EVC2: variants seen among roughly 807,000 people sequenced by gnomAD.
EVC2 encodes the protein limbin.
Under a neutral mutation model 149.3 loss-of-function variants are expected in EVC2, and 148 were observed. The observed-to-expected ratio is 0.99, with a 90% CI of 0.87 to 1.14. EVC2 has a LOEUF of 1.14. Ranked by LOEUF, EVC2 falls within the 50% of genes most tolerant of loss-of-function variation. The pLI is 0.00. For synonymous variants in EVC2, 776 were observed against 649.9 expected (o/e 1.19, Z -2.95); for missense variants, 1,854 against 1,627.3 (o/e 1.14, Z -2.40).
At chr4:5,687,472 G>A (rs1255338815) in intron 5 of EVC2, among the ~76,000 whole-genome samples, 1 of 152,048 alleles carries the variant, frequency 6.6e-6, no homozygotes, top group African/African-American at 2.4e-5. Flanking sequence ...TAGAGCAGAA[G>A]TCCATGAATT....
Position 5,568,589 on chromosome 4 carries a change from T to C in EVC2, c.3412A>G (p.Thr1138Ala). The C allele has an allele frequency of 6.2e-7, 1 of 1,608,740 alleles. No individual in the cohort carries two copies. ...ACCACACTCAGGAGCCGGCGAAGCG[T>C]GGCCCCGGGCACCATGGCCATCCTC... Reference protein sequence around the residue: ...LARMAMVPGATLRRLLSVVLP... With the variant: ...LARMAMVPGAALRRLLSVVLP... Residue 1138 changes from threonine to alanine, a missense_variant, in exon 20 of 22, where the codon ACG becomes GCG. Physicochemically the swap from Thr to Ala is moderately conservative, Grantham distance 58. Coordinates refer to ENST00000344408, the MANE Select transcript of EVC2 (RefSeq NM_147127.5).
At chr4:5,662,441 A>C (rs1044310331) in intron 9 of EVC2, among the ~76,000 whole-genome samples, 3 of 147,246 alleles carry the variant, frequency 2.0e-5, no homozygotes, top group Admixed American at 6.9e-5. Context: ...AGTTTATTGA[A>C]TAAACTAATT....
chr4:5,636,066 G>T lies in EVC2; in HGVS notation c.1471-4034C>A, dbSNP rs932572823. Among the ~76,000 whole-genome samples the T allele has an allele frequency of 1.8e-4, 27 of 152,146 alleles. No homozygotes were observed. The highest frequency in any genetic ancestry group is 5.3e-4 in the African/African-American group (22 of 41,438). On this transcript the variant is annotated intron_variant, in intron 10 of 21. Transcript: ENST00000344408. This position sits in a 1 kb window ranked among gnomAD's most constrained non-coding sequence, Gnocchi z 4.6. ...GAGCAATGGCTGAAGTACTATACGA[G>T]AATTAACTTACTTATACTCACAACA...
At chr4:5,592,918 A>G (rs1712953229) in intron 16 of EVC2, among the ~76,000 whole-genome samples, 2 of 152,074 alleles carry the variant, frequency 1.3e-5, no homozygotes, top group Non-Finnish European at 2.9e-5. Context: ...AGTTCTCATA[A>G]TCCCCACCTG....
At chr4:5,644,006 A>G (rs1717531117) in intron 9 of EVC2, among the ~76,000 whole-genome samples, 1 of 152,240 alleles carries the variant, frequency 6.6e-6, no homozygotes, top group Admixed American at 6.5e-5. Context: ...CATTTAATTC[A>G]AGAACCAAAC....
chr4:5,580,549 G>T (rs988325850), intron 17 of EVC2, among the ~76,000 whole-genome samples: 3 of 152,210 alleles, frequency 2.0e-5, no homozygotes, highest in South Asian at 2.1e-4. Flanking sequence ...CACTTAGGAT[G>T]AGCAGATGAA....
chr4:5,595,825 T>G (rs1713353247), intron 16 of EVC2, among the ~76,000 whole-genome samples: 1 of 152,044 alleles, frequency 6.6e-6, no homozygotes, highest in African/African-American at 2.4e-5. Context: ...AGGAAACCCA[T>G]CTCACATGCA....
chr4:5,650,604 C>CATATATATATATAT (rs66673359), intron 9 of EVC2, among the ~76,000 whole-genome samples: 28 of 53,010 alleles, frequency 5.3e-4, no homozygotes, highest in Admixed American at 1.7e-3. Flanking sequence ...TTTTAATCGC[C>CATATATATATATAT]ATATATATAT....
chr4:5,618,362 G>T lies in EVC2; in HGVS notation c.2706+116C>A, dbSNP rs939906679. ...ACACCAATGCAGCCAGAGAGGAGAG[G>T]ATAGGGGAGCATGAGGTGAGATGGG... On this transcript the variant is annotated intron_variant, in intron 15 of 21. Transcript: ENST00000344408. This position sits in a 1 kb window ranked among gnomAD's most constrained non-coding sequence, Gnocchi z 4.4. 4 of 1,145,262 alleles carry T rather than the reference G, an allele frequency of 3.5e-6. No homozygotes were observed. The highest frequency in any genetic ancestry group is 3.0e-5 in the African/African-American group (2 of 65,716). The allele number at this position is 1,145,262 out of a possible 1,614,324, so 70.9% of individuals were successfully genotyped here.
rs543769106 is a variant in EVC2 at position 5,639,393 on chromosome 4, A to G, written c.1470+1121T>C. On this transcript the variant is annotated intron_variant, in intron 10 of 21. Transcript: ENST00000344408. ...GGAAAAACTCTAGTTCTTTCAAGGC[A>G]GCAACTGACACAACTTTTGGAAAAA... Among the ~76,000 whole-genome samples the G allele has an allele frequency of 2.0e-5, 3 of 152,380 alleles. No individual in the cohort carries two copies. The South Asian group carries it at 6.2e-4, about 32-fold the overall frequency.
In EVC2 at chr4:5,614,793, C is replaced by A. The variant is rs1482112774; in HGVS notation, c.2829+629G>T. ...AGGAGTTTGAGACCAATCTGGCCAACATGGTGAAACCACATGTCTACTAAA... is the reference window on the plus strand; with the variant it reads ...AGGAGTTTGAGACCAATCTGGCCAAAATGGTGAAACCACATGTCTACTAAA... On this transcript the variant is annotated intron_variant, in intron 16 of 21. Transcript: ENST00000344408. This position sits in a 1 kb window ranked among gnomAD's most constrained non-coding sequence, Gnocchi z 4.7. Among the ~76,000 whole-genome samples, 1 of 151,550 alleles carries A rather than the reference C, an allele frequency of 6.6e-6. No individual in the cohort carries two copies. The highest frequency in any genetic ancestry group is 2.0e-4 in the East Asian group (1 of 5,072).
chr4:5,627,501 G>C (rs1324700309), intron 12 of EVC2, among the ~76,000 whole-genome samples: 1 of 152,140 alleles, frequency 6.6e-6, no homozygotes, highest in Non-Finnish European at 1.5e-5. Flanking sequence ...GAGCAGGAGA[G>C]GGTCAAAGTC....
intron 17 of EVC2, among the ~76,000 whole-genome samples, chr4:5,578,617 C>G (rs6824885): frequency 0.49 from 74,738 of 151,690 alleles, 20,866 homozygotes; most frequent in East Asian, 0.86. Flanking sequence ...TGAATGAATA[C>G]ATACATAGAT....
Position 5,677,853 on chromosome 4 carries a change from C to T in EVC2, c.870+3407G>A, listed in dbSNP as rs1253001839. ...ACCACCAGAAGACTGGTTACCAGTGCACCCGACAGCCTCACTAAACTGAAC... is the reference window on the plus strand; with the variant it reads ...ACCACCAGAAGACTGGTTACCAGTGTACCCGACAGCCTCACTAAACTGAAC... On this transcript the variant is annotated intron_variant, in intron 7 of 21. Transcript: ENST00000344408. The surrounding 1 kb of genome is among the most constrained non-coding windows in gnomAD (Gnocchi z 4.3). Among the ~76,000 whole-genome samples, 1 of 152,232 alleles carries T rather than the reference C, an allele frequency of 6.6e-6. No homozygotes were observed. Among genetic ancestry groups the T allele is most frequent in the African/African-American group, 2.4e-5 (1 of 41,462 alleles).
intron 21 of EVC2, among the ~76,000 whole-genome samples, 172 bp downstream of exon 21, chr4:5,565,086 C>T (rs1577095513): frequency 6.6e-6 from 1 of 152,230 alleles, no homozygotes. Context: ...ACAAGCTCAT[C>T]TTCAGCTTCT....
rs1225635390 is a variant in EVC2 at position 5,631,987 on chromosome 4, C to T, written c.1516G>A (p.Glu506Lys). ...AGAGACTTCCTCAAGTGCTCCTGTT[C>T]CAGGCCATGGAGGGTCCGCAGAAGG... ...SNLLRTLHGL[E>K]QEHLRKSLAL... The change falls in exon 11 of 22, where the codon GAA becomes AAA. Residue 506 changes from glutamate (E) to lysine (K), a missense_variant. By Grantham distance (56) the Glu-to-Lys change is moderately conservative. Coordinates refer to ENST00000344408, the MANE Select transcript of EVC2 (RefSeq NM_147127.5). 2 of 1,614,068 alleles carry T rather than the reference C, an allele frequency of 1.2e-6. No individual in the cohort carries two copies. Among genetic ancestry groups the T allele is most frequent in the Admixed American group, 1.7e-5 (1 of 59,988 alleles).
chr4:5,584,846 C>T lies in EVC2; in HGVS notation c.2834G>A (p.Arg945Gln), dbSNP rs369739673. Residue 945 changes from arginine to glutamine, a missense_variant, in exon 17 of 22, where the codon CGA becomes CAA. Transcript: ENST00000344408. ...CACTCTCTCCCGCAGCAATTCACCT[C>T]GAACCTGGGAGGGGACAGGGATGGA... ...QASEDLVEKV[R>Q]GELLRERVQR... The T allele has an allele frequency of 3.7e-6, 6 of 1,614,028 alleles. No individual in the cohort carries two copies. Among genetic ancestry groups the T allele is most frequent in the Non-Finnish European group, 5.1e-6 (6 of 1,180,042 alleles).
chr4:5,565,431 A>T (rs1234891819), intron 20 of EVC2, 72 bp from the exon 21 acceptor site: 2 of 1,441,596 alleles, frequency 1.4e-6, no homozygotes, highest in African/African-American at 1.4e-5. Context: ...AGCACTTTGG[A>T]AGGCAGAGGC....
At chr4:5,577,852 G>A (rs1268560353) in intron 17 of EVC2, among the ~76,000 whole-genome samples, 1 of 152,168 alleles carries the variant, frequency 6.6e-6, no homozygotes, top group Non-Finnish European at 1.5e-5. Flanking sequence ...TGGAGTTCCA[G>A]CAGTGTATGC....
Sources: allele counts gnomAD v4.1 joint callset (sites outside exome capture counted in the v4.1 genomes callset), GRCh38; gene constraint gnomAD v4.1.1; non-coding constraint Gnocchi (gnomAD v3.1); transcripts MANE v1.5; gene names NCBI Gene and HGNC (gene_info 2026-07-23, HGNC 2026-07-21).